The following DCST2 variants were observed in gnomAD, a reference collection of about 807,000 sequenced individuals.
DCST2 encodes DC-STAMP domain containing 2, also known as DC-STAMP domain-containing protein 2.
DCST2 carries 64 observed loss-of-function variants against 81.8 expected under a neutral mutation model. The ratio of observed to expected loss-of-function variants is 0.78; its 90% CI spans 0.64 to 0.96. The LOEUF (loss-of-function observed/expected upper bound fraction) is 0.96. Among genes scored for constraint, DCST2 ranks in the 40% least tolerant of loss-of-function variants. DCST2 has a pLI of 0.00. For synonymous variants in DCST2, 354 were observed against 402.6 expected, an observed-to-expected ratio of 0.88 and a Z score of 1.44; for missense variants, 945 against 1,001.4, an observed-to-expected ratio of 0.94 and a Z score of 0.76.
At chr1:155,030,785 G>T in intron 5 of DCST2, 140 bp from the exon 6 acceptor site, 1 of 818,162 alleles carries the variant, frequency 1.2e-6, no homozygotes, top group Non-Finnish European at 1.9e-6. Context: ...GGGTCAAGGT[G>T]GACTGAGGAG....
intron 3 of DCST2, among the ~76,000 whole-genome samples, chr1:155,032,239 G>A (rs139759603): frequency 1.3e-5 from 2 of 151,834 alleles, no homozygotes; most frequent in Admixed American, 6.6e-5. Context: ...CTGATCCACC[G>A]CCTCAGCCTC....
At position 155,030,171 on chromosome 1, in the gene DCST2, G is replaced by A; in HGVS notation, c.1090C>T (p.Leu364=). 1 of 1,614,186 alleles carries A rather than the reference G, an allele frequency of 6.2e-7. No homozygotes were observed. Residue 364 remains leucine (L), a synonymous_variant, in exon 7 of 15, where the codon CTG becomes TTG. Transcript: ENST00000368424. ...YDNIYITSRF[L]RMEAVRSTAG... The stretch of plus-strand genomic sequence containing the variant: ...GTGGAGCGCACAGCCTCCATGCGCA[G>A]GAATCGGCTAGTGATGTAGATATTG...
Position 155,031,596 on chromosome 1 carries a change from C to T in DCST2, c.717G>A (p.Leu239=). The change falls in exon 4 of 15, where the codon CTG becomes CTA. Residue 239 remains leucine, a synonymous_variant. Transcript: ENST00000368424. The part of the protein sequence containing the change: ...HLCYVLMPFK[L]ALCGLASLVQ... ...CACGGCTGGCAAGTCCACAGAGCGCCAGTTTGAAGGGCATGAGCACGTAAC... is the reference window on the plus strand; with the variant it reads ...CACGGCTGGCAAGTCCACAGAGCGCTAGTTTGAAGGGCATGAGCACGTAAC... 6.2e-7 allele frequency: 1 copy of T among 1,613,834 alleles called. No homozygotes were observed.
In DCST2 at chr1:155,026,729, A is replaced by G. The variant is rs773145528; in HGVS notation, c.1343-14T>C. On this transcript the variant is annotated splice_polypyrimidine_tract_variant and intron_variant, in intron 8 of 14. Coordinates refer to ENST00000368424, the MANE Select transcript of DCST2 (RefSeq NM_144622.3). ...CCAACACAGGACCTGGCACAAAGAC[A>G]CTGTGTGAGTGACACTCATGGCAGT... is the stretch of plus-strand genomic sequence containing the variant. The G allele has an allele frequency of 5.6e-6, 9 of 1,613,778 alleles. No homozygotes were observed. The African/African-American group carries it at 1.2e-4, about 22-fold the overall frequency.
In DCST2 at chr1:155,018,670, G is replaced by A. The variant is rs1659644436; in HGVS notation, c.2196C>T (p.Ser732=). 6.2e-7 allele frequency: 1 copy of A among 1,613,888 alleles called. No individual in the cohort carries two copies. The highest frequency in any genetic ancestry group is 8.5e-7 in the Non-Finnish European group (1 of 1,179,982). Residue 732 remains serine, a synonymous_variant, in exon 15 of 15, where the codon AGC becomes AGT. Coordinates refer to ENST00000368424, the MANE Select transcript of DCST2 (RefSeq NM_144622.3). ...TCTCAGGTGGTCTGTGGGGCTCAGG[G>A]CTGGTGAGAATGCTGACAGGCTGAT... ...EAHQPVSILT[S]PEPHRPPETS...
rs765137718 is a variant in DCST2, at chr1:155,026,633, G to C, written c.1425C>G (p.Val475=). Residue 475 remains valine (V), a synonymous_variant, in exon 9 of 15, where the codon GTC becomes GTG. Coordinates refer to ENST00000368424, the MANE Select transcript of DCST2 (RefSeq NM_144622.3). ...AAATACTGATGTTGCCTTGCTGCAG[G>C]ACATCAAATGCTGACACCAGGTCAC... The part of the protein sequence containing the change: ...IYRDLVSAFD[V]LQQGNISILS... 56 of 1,614,092 alleles carry C rather than the reference G, an allele frequency of 3.5e-5. No homozygotes were observed. The highest frequency in any genetic ancestry group is 4.5e-5 in the Non-Finnish European group (53 of 1,180,044).
At chr1:155,023,681 T>C (rs1571543479) in intron 12 of DCST2, 151 bp downstream of exon 12, 16 of 1,560,254 alleles carry the variant, frequency 1.0e-5, no homozygotes, top group Middle Eastern at 1.7e-4. Flanking sequence ...ACCTGAAGGC[T>C]CTGTGTAAAT....
chr1:155,024,098 A>G (rs1410041567), intron 11 of DCST2, 139 bp from the exon 12 acceptor site: 10 of 1,258,052 alleles, frequency 7.9e-6, no homozygotes, highest in Non-Finnish European at 1.1e-5. Flanking sequence ...TTCAGCAGCA[A>G]CCTCTCCATG....
At chr1:155,024,425 T>C in intron 11 of DCST2, 47 bp downstream of exon 11, 1 of 1,509,262 alleles carries the variant, frequency 6.6e-7, no homozygotes, top group South Asian at 1.3e-5. Flanking sequence ...CTGGCTCTTT[T>C]TCTATCCCCT....
At chr1:155,021,105 T>C (rs1659742304) in intron 14 of DCST2, among the ~76,000 whole-genome samples, 2 of 151,990 alleles carry the variant, frequency 1.3e-5, no homozygotes, top group South Asian at 4.1e-4. Context: ...GTTCAATCAA[T>C]TCTCCTGCCT....
chr1:155,033,624 G>C lies in DCST2; in HGVS notation c.78C>G (p.Ser26Arg). The C allele has an allele frequency of 6.2e-7, 1 of 1,614,162 alleles. No individual in the cohort carries two copies. Among genetic ancestry groups the C allele is most frequent in the South Asian group, 1.1e-5 (1 of 91,086 alleles). ...ACAAGCCCAGGGTAAAACCTCCCAC[G>C]CTGCGAACCACAGCTCTCGCCATGC... is the stretch of plus-strand genomic sequence containing the variant. ...EPSMARAVVR[S>R]VGGFTLGLSL... The change falls in exon 1 of 15, where the codon AGC becomes AGG. Residue 26 changes from serine (S) to arginine (R), a missense_variant. By Grantham distance (110) the Ser-to-Arg change is moderately radical (BLOSUM62 -1). Coordinates refer to ENST00000368424, the MANE Select transcript of DCST2 (RefSeq NM_144622.3).
intron 14 of DCST2, among the ~76,000 whole-genome samples, chr1:155,019,129 C>A (rs1042323212): frequency 6.6e-6 from 1 of 152,226 alleles, no homozygotes; most frequent in African/African-American, 2.4e-5. Context: ...CCTCTTGACT[C>A]ATCATGACCT....
chr1:155,031,958 G>A (rs930645736), intron 3 of DCST2, among the ~76,000 whole-genome samples, 187 bp from the exon 4 acceptor site: 2 of 152,204 alleles, frequency 1.3e-5, no homozygotes, highest in Non-Finnish European at 1.5e-5. Flanking sequence ...GGGTACAGGT[G>A]AGGAGACTGA....
intron 8 of DCST2, among the ~76,000 whole-genome samples, chr1:155,027,026 TA>T (rs997953610): frequency 2.0e-5 from 3 of 152,114 alleles, no homozygotes; most frequent in African/African-American, 2.4e-5. Context: ...CAGAAGCATT[TA>T]TTTTTTTTTT....
intron 9 of DCST2, 29 bp from the exon 10 acceptor site, chr1:155,026,431 C>T (rs746506368): frequency 1.9e-6 from 3 of 1,613,412 alleles, no homozygotes; most frequent in Non-Finnish European, 2.5e-6. Flanking sequence ...CAGTCAGCCT[C>T]ACCAGCAGGC....
chr1:155,021,622 C>A (rs529458436), intron 14 of DCST2, among the ~76,000 whole-genome samples: 54 of 152,118 alleles, frequency 3.5e-4, no homozygotes, highest in African/African-American at 1.3e-3. Context: ...AACTGCCCCC[C>A]TGGGCATCTC....
rs765893190 is a variant in DCST2 at position 155,024,563 on chromosome 1, G to C, written c.1651C>G (p.Arg551Gly). The C allele has an allele frequency of 6.2e-7, 1 of 1,609,422 alleles. No individual in the cohort carries two copies. Among genetic ancestry groups the C allele is most frequent in the Non-Finnish European group, 8.5e-7 (1 of 1,177,824 alleles). ...TGCAGGGCAGCCAACAGATTGGTTC[G>C]GCGGCTCAGAAGTACATTGTACAGG... ...SYLYNVLLSR[R>G]TNLLAALHRS... Residue 551 changes from arginine to glycine, a missense_variant, in exon 11 of 15, where the codon CGA becomes GGA. Transcript: ENST00000368424.
At chr1:155,023,553 C>T (rs1659813505) in intron 12 of DCST2, 96 bp from the exon 13 acceptor site, 2 of 1,548,334 alleles carry the variant, frequency 1.3e-6, no homozygotes, top group East Asian at 2.4e-5. Flanking sequence ...TATCACAGAC[C>T]TGGATGAACC....
At chr1:155,019,847 T>C (rs1235661100) in intron 14 of DCST2, among the ~76,000 whole-genome samples, 1 of 152,238 alleles carries the variant, frequency 6.6e-6, no homozygotes, top group Non-Finnish European at 1.5e-5. Flanking sequence ...TGACGCTACC[T>C]GGAAATCCCT....
Sources: allele counts gnomAD v4.1 joint callset (sites outside exome capture counted in the v4.1 genomes callset), GRCh38; gene constraint gnomAD v4.1.1; transcripts MANE v1.5; gene names NCBI Gene and HGNC (gene_info 2026-07-23, HGNC 2026-07-21).